ACOT13: variants seen among roughly 807,000 people sequenced by gnomAD.
ACOT13 encodes the protein acyl-CoA thioesterase 13.
A neutral mutation model predicts 11.8 loss-of-function variants in ACOT13; 10 were observed. That is an observed-to-expected ratio of 0.85 (90% confidence interval 0.53 to 1.44). The LOEUF (loss-of-function observed/expected upper bound fraction) is 1.44. Ranked by LOEUF, ACOT13 falls within the 40% of genes most tolerant of loss-of-function variation. The pLI, the probability that ACOT13 is intolerant of heterozygous loss-of-function variation, is 0.00. For missense variants in ACOT13, 172 were observed against 174.1 expected (o/e 0.99, Z 0.07); for synonymous variants, 53 against 61.0 (o/e 0.87, Z 0.61).
At chr6:24,674,543 G>C (rs1007977810) in intron 1 of ACOT13, among the ~76,000 whole-genome samples, 1 of 151,928 alleles carries the variant, frequency 6.6e-6, no homozygotes, top group Non-Finnish European at 1.5e-5. Flanking sequence ...TGAGTAGGTG[G>C]GATTACAGGC....
chr6:24,696,496 G>T (rs116448019), intron 1 of ACOT13, among the ~76,000 whole-genome samples: 1 of 152,092 alleles, frequency 6.6e-6, no homozygotes, highest in Non-Finnish European at 1.5e-5. Flanking sequence ...CCTAATAAAT[G>T]GTACTTATCT....
At chr6:24,668,436 G>T (rs1470315407) in intron 1 of ACOT13, among the ~76,000 whole-genome samples, 1 of 151,118 alleles carries the variant, frequency 6.6e-6, no homozygotes, top group African/African-American at 2.4e-5. Context: ...GGTCAGGCTG[G>T]TCTCAAACTG....
chr6:24,695,790 GGCGCGGTGGCTCAC>G (rs1319417650), intron 1 of ACOT13, among the ~76,000 whole-genome samples: 19 of 152,188 alleles, frequency 1.2e-4, no homozygotes, highest in African/African-American at 4.3e-4. Context: ...TCATAGGCCA[GGCGCGGTGGCTCAC>G]GACTCTAATC....
At chr6:24,673,549 C>T (rs1054999225) in intron 1 of ACOT13, among the ~76,000 whole-genome samples, 7 of 152,000 alleles carry the variant, frequency 4.6e-5, no homozygotes, top group Non-Finnish European at 8.8e-5. Flanking sequence ...TTGTTAGAGA[C>T]GAGGTGTCAC....
chr6:24,668,290 C>G (rs1778298180), intron 1 of ACOT13, among the ~76,000 whole-genome samples: 2 of 152,052 alleles, frequency 1.3e-5, no homozygotes, highest in African/African-American at 4.8e-5. Flanking sequence ...ACGATCTCGG[C>G]TCACTGCAAC....
intron 1 of ACOT13, 76 bp downstream of exon 1, chr6:24,667,420 C>A: frequency 1.5e-6 from 2 of 1,332,320 alleles, no homozygotes; most frequent in Non-Finnish European, 2.1e-6. Flanking sequence ...CCGTTGTGAG[C>A]TTTGAATAAT....
chr6:24,679,533 T>G lies in ACOT13; in HGVS notation c.81+12189T>G, dbSNP rs114646176. The stretch of plus-strand genomic sequence containing the variant: ...GACATCATTGCATAATTCATAGGCT[T>G]CTTCCTAGTTTTCCTTAGTCCTAGC... On this transcript the variant is annotated intron_variant, in intron 1 of 2. Coordinates refer to ENST00000230048, the MANE Select transcript of ACOT13 (RefSeq NM_018473.4). Among the ~76,000 whole-genome samples the G allele has an allele frequency of 3.0e-3, 458 of 152,334 alleles. 2 individuals are homozygous for G. Among genetic ancestry groups the G allele is most frequent in the African/African-American group, 1.0e-2 (415 of 41,570 alleles).
chr6:24,689,264 T>A (rs1439985799), intron 1 of ACOT13, among the ~76,000 whole-genome samples: 1 of 152,142 alleles, frequency 6.6e-6, no homozygotes, highest in Non-Finnish European at 1.5e-5. Context: ...AAAAAAAATA[T>A]AGAAATAACA....
chr6:24,686,588 C>T (rs143176719), intron 1 of ACOT13, among the ~76,000 whole-genome samples: 213 of 144,798 alleles, frequency 1.5e-3, no homozygotes, highest in Non-Finnish European at 2.7e-3. Flanking sequence ...TCTTTTCTTT[C>T]CTTCCTTCCT....
intron 1 of ACOT13, among the ~76,000 whole-genome samples, chr6:24,674,565 C>T (rs74925745): frequency 0.1 from 15,661 of 151,928 alleles, 914 homozygotes; most frequent in South Asian, 0.25. Context: ...CCTGCCACCA[C>T]GCCTGGCTAA....
rs1166424589 is a variant in ACOT13, at chr6:24,698,069, T to C, written c.266+2T>C. On this transcript the variant is annotated splice_donor_variant, in intron 2 of 2. Coordinates refer to ENST00000230048, the MANE Select transcript of ACOT13 (RefSeq NM_018473.4). LOFTEE classifies it high-confidence loss of function. ...AGTCAGTGTCGATATGAACATAACG[T>C]ATGTATCCAAACTGTATTCCAAATC... 3 of 1,595,710 alleles carry C rather than the reference T, an allele frequency of 1.9e-6. No homozygotes were observed. The highest frequency in any genetic ancestry group is 2.6e-6 in the Non-Finnish European group (3 of 1,171,220).
At chr6:24,685,332 C>CTTTTTTTTTTTTTTTTTTTTT (rs563020332) in intron 1 of ACOT13, among the ~76,000 whole-genome samples, 2 of 116,784 alleles carry the variant, frequency 1.7e-5, no homozygotes, top group Admixed American at 9.0e-5. Flanking sequence ...TTTTACTGTA[C>CTTTTTTTTTTTTTTTTTTTTT]TTTTTTTTTT....
chr6:24,700,334 CA>C (rs1292080694), intron 2 of ACOT13, among the ~76,000 whole-genome samples: 1 of 151,516 alleles, frequency 6.6e-6, no homozygotes, highest in Non-Finnish European at 1.5e-5. Context: ...AAAAACTGGC[CA>C]AACTACTACT....
chr6:24,698,190 C>A, intron 2 of ACOT13, 123 bp downstream of exon 2: 1 of 878,224 alleles, frequency 1.1e-6, no homozygotes, highest in Non-Finnish European at 1.6e-6. Flanking sequence ...TCCTTAACTG[C>A]ACCTATAGAT....
At chr6:24,679,359 T>C (rs576786102) in intron 1 of ACOT13, among the ~76,000 whole-genome samples, 2 of 152,210 alleles carry the variant, frequency 1.3e-5, no homozygotes, top group Non-Finnish European at 2.9e-5. Flanking sequence ...TTTTTTCTAA[T>C]GTCTGCAGTT....
intron 1 of ACOT13, among the ~76,000 whole-genome samples, chr6:24,676,106 A>G (rs927568707): frequency 7.2e-5 from 11 of 152,236 alleles, no homozygotes; most frequent in Non-Finnish European, 7.3e-5. Context: ...TACCAGTACC[A>G]TGCTGTTTTG....
intron 1 of ACOT13, among the ~76,000 whole-genome samples, chr6:24,685,935 G>A (rs1191136083): frequency 2.6e-5 from 4 of 151,962 alleles, no homozygotes; most frequent in Non-Finnish European, 5.9e-5. Flanking sequence ...GCGCACACTT[G>A]TAATCCCAGC....
intron 1 of ACOT13, among the ~76,000 whole-genome samples, chr6:24,697,013 A>G (rs567595944): frequency 3.9e-5 from 6 of 152,200 alleles, no homozygotes; most frequent in Non-Finnish European, 8.8e-5. Flanking sequence ...TGATCTCGTG[A>G]TCCACCTGCC....
rs527827233 is a variant in ACOT13 at position 24,700,321 on chromosome 6, A to G, written c.267-1138A>G. 6.4e-4 allele frequency among the ~76,000 whole-genome samples: 98 copies of G among 152,330 alleles called. 1 individual carries two copies. The highest frequency in any genetic ancestry group is 2.1e-3 in the African/African-American group (88 of 41,574). The stretch of plus-strand genomic sequence containing the variant: ...TTTCTAAGACAAAATTTAGGGAAAT[A>G]ATAAAAACTGGCCAAACTACTACTA... On this transcript the variant is annotated intron_variant, in intron 2 of 2. Transcript: ENST00000230048.
Sources: gnomAD v4.1 joint callset for allele counts (sites outside exome capture counted in the v4.1 genomes callset) on GRCh38, gnomAD v4.1.1 for gene constraint, MANE v1.5 for transcripts, NCBI Gene and HGNC (gene_info 2026-07-23, HGNC 2026-07-21) for gene names.